Variants in B3GALT1 observed in about 807,000 individuals in gnomAD.
B3GALT1 encodes UDP-Gal:betaGlcNAc beta 1,3-galactosyltransferase, polypeptide 1.
A neutral mutation model predicts 23.2 loss-of-function variants in B3GALT1; 10 were observed. The observed-to-expected ratio is 0.43, with a 90% CI of 0.27 to 0.73. B3GALT1 has a LOEUF of 0.73. B3GALT1 is among the 30% of genes least tolerant of loss of function. The pLI, the probability that B3GALT1 is intolerant of heterozygous loss-of-function variation, is 0.21. For missense variants in B3GALT1, 299 were observed against 405.4 expected (o/e 0.74, Z 2.25); for synonymous variants, 156 against 141.5 (o/e 1.10, Z -0.73).
At chr2:167,652,965 C>G (rs73015491) in intron 3 of B3GALT1, among the ~76,000 whole-genome samples, 5 of 151,938 alleles carry the variant, frequency 3.3e-5, no homozygotes, top group African/African-American at 4.8e-5. Context: ...TGTGTACATA[C>G]GTGTGTGTCT....
intron 3 of B3GALT1, among the ~76,000 whole-genome samples, chr2:167,802,915 A>G (rs996999603): frequency 1.4e-5 from 2 of 144,576 alleles, no homozygotes; most frequent in African/African-American, 5.3e-5. Flanking sequence ...TAAATAAATT[A>G]GTATTTTTTT....
chr2:167,694,720 T>G (rs923709210), intron 3 of B3GALT1, among the ~76,000 whole-genome samples: 3 of 151,778 alleles, frequency 2.0e-5, no homozygotes, highest in Non-Finnish European at 4.4e-5. Flanking sequence ...CCACATTCTG[T>G]TGGTGAAAGC....
At chr2:167,607,173 C>A (rs1295468585) in intron 2 of B3GALT1, among the ~76,000 whole-genome samples, 1 of 152,100 alleles carries the variant, frequency 6.6e-6, no homozygotes, top group Non-Finnish European at 1.5e-5. Context: ...TTCATAGGTT[C>A]TACCTGAAAA....
intron 4 of B3GALT1, among the ~76,000 whole-genome samples, chr2:167,824,499 G>C (rs778054038): frequency 6.6e-6 from 1 of 152,244 alleles, no homozygotes; most frequent in African/African-American, 2.4e-5. Context: ...TTGGCAGGAT[G>C]TGGTGATGGA....
chr2:167,726,060 C>T (rs961199656), intron 3 of B3GALT1, among the ~76,000 whole-genome samples: 1 of 152,110 alleles, frequency 6.6e-6, no homozygotes, highest in African/African-American at 2.4e-5. Context: ...TTGGTTTCTC[C>T]ATAAAATCAG....
At chr2:167,383,699 T>C (rs1440913739) in intron 1 of B3GALT1, among the ~76,000 whole-genome samples, 2 of 152,196 alleles carry the variant, frequency 1.3e-5, no homozygotes, top group East Asian at 3.8e-4. Flanking sequence ...AGCAAATGCA[T>C]GAGTATCTAG....
chr2:167,511,228 G>T (rs1699999184), intron 2 of B3GALT1, among the ~76,000 whole-genome samples: 2 of 152,128 alleles, frequency 1.3e-5, no homozygotes, highest in Admixed American at 6.5e-5. Context: ...ATATGATTTG[G>T]CTGTGTCCCC....
intron 4 of B3GALT1, among the ~76,000 whole-genome samples, chr2:167,865,157 C>G (rs958680715): frequency 2.0e-5 from 3 of 152,106 alleles, no homozygotes; most frequent in African/African-American, 7.2e-5. Context: ...GCCTGTAATC[C>G]CAGCACTTCA....
intron 4 of B3GALT1, among the ~76,000 whole-genome samples, chr2:167,867,028 G>T (rs1418261615): frequency 1.3e-5 from 2 of 151,842 alleles, no homozygotes; most frequent in Admixed American, 1.3e-4. Context: ...CTGGATTCAG[G>T]CCATTCTCCT....
At chr2:167,566,023 A>C (rs1049379941) in intron 2 of B3GALT1, among the ~76,000 whole-genome samples, 3 of 152,080 alleles carry the variant, frequency 2.0e-5, no homozygotes, top group African/African-American at 7.3e-5. Context: ...AGGACTATAA[A>C]TCATGCTGCT....
intron 4 of B3GALT1, among the ~76,000 whole-genome samples, chr2:167,829,486 GAAAAAAAAAAAGAAAA>G (rs1689298112): frequency 8.1e-6 from 1 of 123,794 alleles, no homozygotes; most frequent in Non-Finnish European, 1.7e-5. Flanking sequence ...CCATCTCAAG[GAAAAAAAAAAAGAAAA>G]GAAGAAGAAA....
intron 1 of B3GALT1, among the ~76,000 whole-genome samples, chr2:167,474,304 A>G (rs1699462409): frequency 1.3e-5 from 2 of 152,200 alleles, no homozygotes; most frequent in Non-Finnish European, 2.9e-5. Context: ...ATGATTGGAT[A>G]TTAGGCTGAA....
intron 2 of B3GALT1, among the ~76,000 whole-genome samples, chr2:167,638,937 T>A (rs1685606716): frequency 6.6e-6 from 1 of 152,026 alleles, no homozygotes; most frequent in Non-Finnish European, 1.5e-5. Context: ...AATTTCCTGG[T>A]TTACCAATTC....
chr2:167,514,131 TCTC>T (rs1380599957), intron 2 of B3GALT1, among the ~76,000 whole-genome samples: 1 of 152,108 alleles, frequency 6.6e-6, no homozygotes, highest in Non-Finnish European at 1.5e-5. Context: ...ATGGTCTCGA[TCTC>T]CTGACCTCGT....
intron 3 of B3GALT1, among the ~76,000 whole-genome samples, chr2:167,771,060 C>T (rs1429047362): frequency 6.6e-6 from 1 of 152,186 alleles, no homozygotes; most frequent in Non-Finnish European, 1.5e-5. Context: ...ATTCAAATTA[C>T]AGCTCCGTGT....
At position 167,474,944 on chromosome 2, in the gene B3GALT1, TAATA is replaced by T. The variant is rs139364921; in HGVS notation, c.-510-15224_-510-15221del. On this transcript the variant is annotated intron_variant, in intron 1 of 4. Transcript: ENST00000392690. ...GATTGAAGACTTTGTCTCCTCATAA[TAATA>T]AATAAATATACCTGCTATGCATTGT... 2.6e-5 allele frequency among the ~76,000 whole-genome samples: 4 copies of T among 152,296 alleles called. No homozygotes were observed. In the East Asian group the frequency reaches 7.7e-4, roughly 29 times the overall value.
chr2:167,859,703 C>T (rs915055947), intron 4 of B3GALT1, among the ~76,000 whole-genome samples: 5 of 152,174 alleles, frequency 3.3e-5, no homozygotes, highest in Admixed American at 2.0e-4. Flanking sequence ...TACACCACTG[C>T]CTCATTGCAA....
chr2:167,462,413 A>G (rs1407286456), intron 1 of B3GALT1, among the ~76,000 whole-genome samples: 1 of 152,160 alleles, frequency 6.6e-6, no homozygotes, highest in East Asian at 1.9e-4. Context: ...TTTATGAGAG[A>G]AAATGGCAAA....
intron 2 of B3GALT1, among the ~76,000 whole-genome samples, chr2:167,560,870 C>T (rs566627659): frequency 1.3e-5 from 2 of 151,964 alleles, no homozygotes; most frequent in Non-Finnish European, 2.9e-5. Flanking sequence ...GACTTTAACA[C>T]CCCACTGTCA....
Sources: allele counts gnomAD v4.1 joint callset (sites outside exome capture counted in the v4.1 genomes callset), GRCh38; gene constraint gnomAD v4.1.1; transcripts MANE v1.5; gene names NCBI Gene and HGNC (gene_info 2026-07-23, HGNC 2026-07-21).